Variants in SH3BP2 observed in about 807,000 individuals in gnomAD.
SH3BP2 encodes the protein SH3 domain-binding protein 2.
Under a neutral mutation model 56.2 loss-of-function variants are expected in SH3BP2, and 38 were observed. That is an observed-to-expected ratio of 0.68 (90% CI 0.52 to 0.89). The LOEUF (loss-of-function observed/expected upper bound fraction) is 0.89. Among genes scored for constraint, SH3BP2 ranks in the 40% least tolerant of loss-of-function variants. SH3BP2 has a pLI of 0.00. For missense variants in SH3BP2, 748 were observed against 762.6 expected, an observed-to-expected ratio of 0.98 and a Z score of 0.23; for synonymous variants, 346 against 316.7, an observed-to-expected ratio of 1.09 and a Z score of -0.98.
At chr4:2,820,574 T>C (rs1724246500) in intron 1 of SH3BP2, 40 bp from the exon 2 acceptor site, 1 of 1,613,754 alleles carries the variant, frequency 6.2e-7, no homozygotes, top group African/African-American at 1.3e-5. Context: ...ATCTCCTGCC[T>C]GACCGTAGCT....
rs1483736792 is a variant in SH3BP2 at position 2,810,993 on chromosome 4, A to G, written c.-4-9621A>G. Among the ~76,000 whole-genome samples the G allele has an allele frequency of 6.6e-6, 1 of 152,168 alleles. No homozygotes were observed. Among genetic ancestry groups the G allele is most frequent in the African/African-American group, 2.4e-5 (1 of 41,440 alleles). Reference sequence around the variant, plus strand: ...GGTCTGCCCTTGGCCACCTGAGGGGACTGAGGCTGGCACAGGCTGGGGACG... The same window carrying G: ...GGTCTGCCCTTGGCCACCTGAGGGGGCTGAGGCTGGCACAGGCTGGGGACG... On this transcript the variant is annotated intron_variant, in intron 1 of 12. Transcript: ENST00000503393. This position sits in a 1 kb window ranked among gnomAD's most constrained non-coding sequence, Gnocchi z 4.2.
In SH3BP2 at chr4:2,833,920, G is replaced by C. The variant is rs1439009738; in HGVS notation, c.*86G>C. 35 of 1,447,760 alleles carry C rather than the reference G, an allele frequency of 2.4e-5. No individual in the cohort carries two copies. The highest frequency in any genetic ancestry group is 3.1e-5 in the Non-Finnish European group (34 of 1,082,358). The allele number at this position is 1,447,760 out of a possible 1,614,324, so 89.7% of individuals were successfully genotyped here. ...AGACGGACATGGGCCCACATGGGAG[G>C]GTGAGCAGGAGCAAGGCTGTGCTTG... On this transcript the variant is annotated 3_prime_UTR_variant, in exon 13 of 13. Transcript: ENST00000503393.
At position 2,832,643 on chromosome 4, in the gene SH3BP2, G is replaced by A. The variant is rs1045334746; in HGVS notation, c.1488+231G>A. 5.9e-5 allele frequency among the ~76,000 whole-genome samples: 9 copies of A among 152,220 alleles called. 1 individual carries two copies. Among genetic ancestry groups the A allele is most frequent in the Admixed American group, 5.2e-4 (8 of 15,294 alleles). ...CCCAGTGGGGGCCAGGACTCGGGTGGGGTAGGGCTCATGCTCTGGGGTGGC... is the reference window on the plus strand; with the variant it reads ...CCCAGTGGGGGCCAGGACTCGGGTGAGGTAGGGCTCATGCTCTGGGGTGGC... On this transcript the variant is annotated intron_variant, in intron 11 of 12. Coordinates refer to ENST00000503393, the MANE Select transcript of SH3BP2 (RefSeq NM_001122681.2).
rs957827200 is a variant in SH3BP2, at chr4:2,834,328, C to T, written c.*494C>T. The T allele has an allele frequency of 1.9e-5, 3 of 157,996 alleles. No homozygotes were observed. The highest frequency in any genetic ancestry group is 4.2e-5 in the Non-Finnish European group (3 of 71,704). 9.8% of individuals were successfully genotyped at this position (157,996 alleles called of 1,614,324 possible). On this transcript the variant is annotated 3_prime_UTR_variant, in exon 13 of 13. Transcript: ENST00000503393. ...GCTTGATTGGGAAGGAGGGGATTAC[C>T]AGCTTACTGGGTGCCCATGCTGATG...
chr4:2,794,415 TCTTGGAGCCCAACCTCAGGGCCCC>T (rs1722996435), intron 1 of SH3BP2, among the ~76,000 whole-genome samples: 1 of 108,956 alleles, frequency 9.2e-6, no homozygotes, highest in South Asian at 2.8e-4. Flanking sequence ...CGAAGGGCCC[TCTTGGAGCCCAACCTCAGGGCCCC>T]ACTCCAGGCA....
At chr4:2,815,582 C>T (rs1191398343) in intron 1 of SH3BP2, among the ~76,000 whole-genome samples, 2 of 152,208 alleles carry the variant, frequency 1.3e-5, no homozygotes, top group Non-Finnish European at 2.9e-5. Flanking sequence ...GGTGTGGAGC[C>T]AGGAGGAGGT....
intron 1 of SH3BP2, 69 bp from the exon 2 acceptor site, chr4:2,820,543 CCT>C: frequency 1.9e-6 from 3 of 1,592,776 alleles, no homozygotes; most frequent in Non-Finnish European, 2.6e-6. Context: ...GCAGTGTCCC[CCT>C]GAGCGCCCTG....
rs76413431 is a variant in SH3BP2 at position 2,828,147 on chromosome 4, G to A, written c.586+473G>A. Among the ~76,000 whole-genome samples the A allele has an allele frequency of 5.9e-5, 9 of 152,130 alleles. No individual in the cohort carries two copies. The East Asian group carries it at 1.4e-3, about 23-fold the overall frequency. ...ATACAGGTGGTCACACGTGGATGAC[G>A]GAAGCACGAGCTGGGTGGGGAGGAC... On this transcript the variant is annotated intron_variant, in intron 7 of 12. Coordinates refer to ENST00000503393, the MANE Select transcript of SH3BP2 (RefSeq NM_001122681.2).
intron 1 of SH3BP2, among the ~76,000 whole-genome samples, chr4:2,807,614 G>A (rs909971555): frequency 6.6e-6 from 1 of 152,198 alleles, no homozygotes; most frequent in Non-Finnish European, 1.5e-5. Flanking sequence ...GCAGGTACCA[G>A]GATGGGGCAA....
At chr4:2,799,990 C>T (rs542562936) in intron 1 of SH3BP2, among the ~76,000 whole-genome samples, 429 of 152,114 alleles carry the variant, frequency 2.8e-3, no homozygotes, top group Middle Eastern at 0.01. Context: ...GCCGAACATA[C>T]GCCCTCCAAG....
chr4:2,818,545 G>T (rs1040641900), intron 1 of SH3BP2, among the ~76,000 whole-genome samples: 17 of 152,194 alleles, frequency 1.1e-4, no homozygotes, highest in Non-Finnish European at 1.8e-4. Flanking sequence ...GGCGTGGACC[G>T]TCCCGGCGGG....
intron 1 of SH3BP2, chr4:2,812,556 C>T (rs1045913708): frequency 1.1e-5 from 16 of 1,484,370 alleles, no homozygotes; most frequent in African/African-American, 2.8e-5. Context: ...GGGGGCCCCA[C>T]GTGGGAGCCA....
intron 1 of SH3BP2, chr4:2,799,036 C>T (rs914177233): frequency 3.0e-6 from 3 of 985,436 alleles, no homozygotes; most frequent in African/African-American, 1.7e-5. Flanking sequence ...GTCAGGTCAT[C>T]GAGGCCTCCG....
chr4:2,800,247 C>G (rs1723213550), intron 1 of SH3BP2, among the ~76,000 whole-genome samples: 1 of 152,118 alleles, frequency 6.6e-6, no homozygotes, highest in East Asian at 1.9e-4. Context: ...GGCTCAGTCT[C>G]CCTCCTCCTT....
At chr4:2,800,231 G>C (rs1723212445) in intron 1 of SH3BP2, among the ~76,000 whole-genome samples, 1 of 152,130 alleles carries the variant, frequency 6.6e-6, no homozygotes, top group Non-Finnish European at 1.5e-5. Context: ...GGGACTGACT[G>C]TCCCCGGCTC....
intron 1 of SH3BP2, among the ~76,000 whole-genome samples, chr4:2,804,283 C>T (rs1365557811): frequency 6.6e-6 from 1 of 152,234 alleles, no homozygotes; most frequent in Non-Finnish European, 1.5e-5. Flanking sequence ...CTGGGTCCAG[C>T]AGCTCCGGGA....
At chr4:2,827,567 G>T in intron 6 of SH3BP2, 39 bp from the exon 7 acceptor site, 1 of 1,559,260 alleles carries the variant, frequency 6.4e-7, no homozygotes, top group Middle Eastern at 1.7e-4. Context: ...ACTGGGCCTG[G>T]GCCGGTTTGG....
At position 2,809,697 on chromosome 4, in the gene SH3BP2, CTG is replaced by C. The variant is rs964091203; in HGVS notation, c.-4-10914_-4-10913del. The C allele has an allele frequency of 1.1e-5, 8 of 698,956 alleles. No individual in the cohort carries two copies. In the South Asian group the frequency reaches 3.9e-4, roughly 34 times the overall value. The allele number at this position is 698,956 out of a possible 1,614,324, so 43.3% of individuals were successfully genotyped here. A position where few individuals can be genotyped will look rare whatever the true frequency, so the allele number is the denominator to read the frequency against. ...CCGTGGTGGCTGCAGACACCACCCA[CTG>C]TGCTGGGTGTTTGCCTTACTCCTGA... On this transcript the variant is annotated intron_variant, in intron 1 of 12. Transcript: ENST00000503393.
At chr4:2,809,900 G>A in intron 1 of SH3BP2, 1 of 820,902 alleles carries the variant, frequency 1.2e-6, no homozygotes, top group Non-Finnish European at 1.5e-6. Context: ...CTCAGGGGCA[G>A]GGGAGCAGCT....
Sources: allele counts gnomAD v4.1 joint callset (sites outside exome capture counted in the v4.1 genomes callset), GRCh38; gene constraint gnomAD v4.1.1; non-coding constraint Gnocchi (gnomAD v3.1); transcripts MANE v1.5; gene names NCBI Gene and HGNC (gene_info 2026-07-23, HGNC 2026-07-21).